The following COL19A1 variants were observed in gnomAD, a reference collection of about 807,000 sequenced individuals.
COL19A1 encodes collagen type XIX alpha 1 chain.
COL19A1 carries 159 observed loss-of-function variants against 190.2 expected under a neutral mutation model. The observed-to-expected ratio is 0.84, with a 90% CI of 0.73 to 0.95. The LOEUF (loss-of-function observed/expected upper bound fraction) is 0.95. Ranked by LOEUF, COL19A1 falls within the 40% of genes least tolerant of loss-of-function variation. COL19A1 has a pLI of 0.00. For missense variants in COL19A1, 1,418 were observed against 1,431.9 expected, an observed-to-expected ratio of 0.99 and a Z score of 0.16; for synonymous variants, 509 against 458.9, an observed-to-expected ratio of 1.11 and a Z score of -1.39.
intron 14 of COL19A1, among the ~76,000 whole-genome samples, chr6:70,046,988 A>G (rs1779952769): frequency 1.3e-5 from 2 of 152,104 alleles, no homozygotes; most frequent in African/African-American, 4.8e-5. Context: ...CCACGTTTTA[A>G]AAATATCACC....
Position 70,168,194 on chromosome 6 carries a change from C to T in COL19A1, c.2520C>T (p.Tyr840=). The change falls in exon 39 of 51, where the codon TAC becomes TAT. Residue 840 remains tyrosine (Y), a synonymous_variant. Coordinates refer to ENST00000620364, the MANE Select transcript of COL19A1 (RefSeq NM_001858.6). ...KIKGGVNVPS[Y]PGPPGPPGPK... Reference sequence around the variant, plus strand: ...AGGGAGGTGTGAATGTTCCCAGTTACCCAGGGCCACCCGGTCCTCCTGTAA... The same window carrying T: ...AGGGAGGTGTGAATGTTCCCAGTTATCCAGGGCCACCCGGTCCTCCTGTAA... 1.2e-6 allele frequency: 2 copies of T among 1,612,988 alleles called. No homozygotes were observed. Among genetic ancestry groups the T allele is most frequent in the Non-Finnish European group, 1.7e-6 (2 of 1,179,494 alleles).
intron 10 of COL19A1, among the ~76,000 whole-genome samples, chr6:69,962,527 A>C (rs753505946): frequency 5.9e-5 from 9 of 152,194 alleles, no homozygotes; most frequent in Non-Finnish European, 8.8e-5. Context: ...CTCTCAAAAC[A>C]AACCATTGAG....
In COL19A1 at chr6:70,168,974, T is replaced by C. The variant is rs809074; in HGVS notation, c.2568+293T>C. 0.34 allele frequency among the ~76,000 whole-genome samples: 51,167 copies of C among 151,736 alleles called. 9,475 individuals carry two copies. Among genetic ancestry groups the C allele is most frequent in the African/African-American group, 0.5 (20,858 of 41,326 alleles). On this transcript the variant is annotated intron_variant, in intron 40 of 50. Coordinates refer to ENST00000620364, the MANE Select transcript of COL19A1 (RefSeq NM_001858.6). ...CTCTGATAAATGGGGCACTTTCTTC[T>C]AATAGCCCTCTTCTGATAATTGATT... is the stretch of plus-strand genomic sequence containing the variant.
rs552628 is a variant in COL19A1 at position 70,209,740 on chromosome 6, A to G, written c.*2466A>G. The G allele has an allele frequency of 0.34, 52,245 of 151,982 alleles. 9,167 individuals are homozygous for G. Among genetic ancestry groups the G allele is most frequent in the East Asian group, 0.43 (2,218 of 5,160 alleles). The allele number at this position is 151,982 out of a possible 1,614,324, so 9.4% of individuals were successfully genotyped here. On this transcript the variant is annotated 3_prime_UTR_variant, in exon 51 of 51. Coordinates refer to ENST00000620364, the MANE Select transcript of COL19A1 (RefSeq NM_001858.6). Reference sequence around the variant, plus strand: ...TAAATTTGACGTAACTAGAGAAACAAGGCTGTATCCACATGGTACAAGCCT... The same window carrying G: ...TAAATTTGACGTAACTAGAGAAACAGGGCTGTATCCACATGGTACAAGCCT...
chr6:70,006,021 C>T (rs1303892486), intron 11 of COL19A1, among the ~76,000 whole-genome samples: 3 of 152,126 alleles, frequency 2.0e-5, no homozygotes, highest in Non-Finnish European at 4.4e-5. Flanking sequence ...AAAGCACAGA[C>T]TGAAAAGCCC....
In COL19A1 at chr6:70,152,986, G is replaced by C. The variant is rs575176106; in HGVS notation, c.2079+1548G>C. ...AGAAGTGGAACTAATTGACAATCTC[G>C]CCCGGGAATCATCCCTCTAATGAGT... On this transcript the variant is annotated intron_variant, in intron 31 of 50. Transcript: ENST00000620364. Among the ~76,000 whole-genome samples the C allele has an allele frequency of 1.8e-3, 281 of 152,116 alleles. 1 individual carries two copies. Among genetic ancestry groups the C allele is most frequent in the African/African-American group, 6.4e-3 (264 of 41,520 alleles).
intron 16 of COL19A1, among the ~76,000 whole-genome samples, chr6:70,102,961 G>T (rs1783728493): frequency 6.6e-6 from 1 of 151,988 alleles, no homozygotes; most frequent in Non-Finnish European, 1.5e-5. Flanking sequence ...GCAACATTGG[G>T]TTTTTTTCTC....
chr6:70,190,412 T>A (rs1293541002), intron 48 of COL19A1, 31 bp downstream of exon 48: 4 of 1,418,682 alleles, frequency 2.8e-6, no homozygotes, highest in Middle Eastern at 1.8e-4. Context: ...TTTTCGAATT[T>A]TTCACTGATT....
intron 12 of COL19A1, 44 bp downstream of exon 12, chr6:70,023,724 A>T: frequency 6.5e-7 from 1 of 1,542,618 alleles, no homozygotes; most frequent in Admixed American, 1.8e-5. Context: ...ACATTTTACC[A>T]CTAAGATATG....
intron 16 of COL19A1, among the ~76,000 whole-genome samples, chr6:70,106,463 A>G (rs528791832): frequency 5.3e-5 from 8 of 152,270 alleles, no homozygotes; most frequent in African/African-American, 1.9e-4. Context: ...AACTAACATT[A>G]TTAAATTATC....
chr6:70,058,614 T>A (rs1254156788), intron 14 of COL19A1, among the ~76,000 whole-genome samples: 3 of 152,052 alleles, frequency 2.0e-5, no homozygotes, highest in Non-Finnish European at 4.4e-5. Context: ...AACATAGAAT[T>A]CCTTTTCTAA....
intron 25 of COL19A1, among the ~76,000 whole-genome samples, chr6:70,145,701 C>T (rs1353503717): frequency 6.8e-6 from 1 of 147,322 alleles, no homozygotes; most frequent in Non-Finnish European, 1.5e-5. Context: ...AAGAAATATT[C>T]ATCTATTCAT....
intron 4 of COL19A1, among the ~76,000 whole-genome samples, chr6:69,912,099 T>C (rs1770966524): frequency 6.6e-6 from 1 of 152,118 alleles, no homozygotes; most frequent in African/African-American, 2.4e-5. Flanking sequence ...CATTTCTGTC[T>C]CTCTCTGTCA....
chr6:70,211,069 AT>A lies in COL19A1; in HGVS notation c.*3798del, dbSNP rs1321533549. On this transcript the variant is annotated 3_prime_UTR_variant, in exon 51 of 51. Coordinates refer to ENST00000620364, the MANE Select transcript of COL19A1 (RefSeq NM_001858.6). Reference sequence around the variant, plus strand: ...ATACTCTCAACAGACAAGAAAAAAGATTTAGCTTATCACAAGAAGCAGACAA... The same window carrying A: ...ATACTCTCAACAGACAAGAAAAAAGATTAGCTTATCACAAGAAGCAGACAA... Among the ~76,000 whole-genome samples the A allele has an allele frequency of 6.6e-6, 1 of 152,148 alleles. No individual in the cohort carries two copies. The highest frequency in any genetic ancestry group is 2.4e-5 in the African/African-American group (1 of 41,446).
intron 4 of COL19A1, among the ~76,000 whole-genome samples, chr6:69,923,290 C>G (rs112780101): frequency 6.6e-6 from 1 of 152,156 alleles, no homozygotes; most frequent in African/African-American, 2.4e-5. Flanking sequence ...TCATATCCCT[C>G]TCTCTCCAAC....
intron 34 of COL19A1, among the ~76,000 whole-genome samples, chr6:70,159,076 G>C (rs1361802702): frequency 1.3e-5 from 2 of 151,088 alleles, no homozygotes; most frequent in African/African-American, 4.9e-5. Context: ...TGAATCCCAA[G>C]CTTATAAATT....
chr6:69,906,491 A>G (rs746449145), intron 4 of COL19A1, among the ~76,000 whole-genome samples: 1 of 152,178 alleles, frequency 6.6e-6, no homozygotes, highest in African/African-American at 2.4e-5. Context: ...TATGTGTTCC[A>G]TATCTATAGC....
At chr6:70,110,078 C>T (rs1048294779) in intron 16 of COL19A1, among the ~76,000 whole-genome samples, 2 of 152,204 alleles carry the variant, frequency 1.3e-5, no homozygotes, top group Non-Finnish European at 2.9e-5. Context: ...GCAGGACCCA[C>T]CTCTAAAACA....
At chr6:69,966,572 ATGCTCG>A (rs767072837) in intron 11 of COL19A1, among the ~76,000 whole-genome samples, 16 of 152,142 alleles carry the variant, frequency 1.1e-4, no homozygotes, top group Non-Finnish European at 1.9e-4. Context: ...TGAAGGCAGC[ATGCTCG>A]TTAAGAGTCA....
Sources: gnomAD v4.1 joint callset for allele counts (sites outside exome capture counted in the v4.1 genomes callset) on GRCh38, gnomAD v4.1.1 for gene constraint, MANE v1.5 for transcripts, NCBI Gene and HGNC (gene_info 2026-07-23, HGNC 2026-07-21) for gene names.